The following PARD3B variants were observed in gnomAD, a reference collection of about 807,000 sequenced individuals.
PARD3B encodes par-3 family cell polarity regulator beta.
Under a neutral mutation model 130.2 loss-of-function variants are expected in PARD3B, and 103 were observed. The observed-to-expected ratio is 0.79, with a 90% CI of 0.67 to 0.93. PARD3B has a LOEUF of 0.93. Among genes scored for constraint, PARD3B ranks in the 40% least tolerant of loss-of-function variants. PARD3B has a pLI of 0.00. For missense variants in PARD3B, 1,609 were observed against 1,499.2 expected, an observed-to-expected ratio of 1.07 and a Z score of -1.21; for synonymous variants, 583 against 553.2, an observed-to-expected ratio of 1.05 and a Z score of -0.76.
chr2:205,534,953 C>G (rs1277017646), intron 21 of PARD3B, among the ~76,000 whole-genome samples: 1 of 152,154 alleles, frequency 6.6e-6, no homozygotes, highest in Non-Finnish European at 1.5e-5. Flanking sequence ...TTCCAGACTG[C>G]CAAAACCAGA....
rs2038774239 is a variant in PARD3B, at chr2:205,230,395, C to T, written c.2141-15383C>T. 6.6e-6 allele frequency among the ~76,000 whole-genome samples: 1 copy of T among 152,164 alleles called. No homozygotes were observed. The highest frequency in any genetic ancestry group is 2.1e-4 in the South Asian group (1 of 4,834). On this transcript the variant is annotated intron_variant, in intron 15 of 22. Coordinates refer to ENST00000406610, the MANE Select transcript of PARD3B (RefSeq NM_001302769.2). This position sits in a 1 kb window ranked among gnomAD's most constrained non-coding sequence, Gnocchi z 4.1. Reference sequence around the variant, plus strand: ...TTCTCCCCTTCAAAGCTGCGAGTTTCCTTCTGGCAGAGTGTGTGTCTGGAA... The same window carrying T: ...TTCTCCCCTTCAAAGCTGCGAGTTTTCTTCTGGCAGAGTGTGTGTCTGGAA...
chr2:204,997,706 A>G (rs1201622983), intron 3 of PARD3B, among the ~76,000 whole-genome samples: 2 of 151,808 alleles, frequency 1.3e-5, no homozygotes, highest in South Asian at 2.1e-4. Context: ...ACTAATTCTT[A>G]TACTTGTCCT....
At chr2:205,363,446 A>C (rs184724959) in intron 18 of PARD3B, among the ~76,000 whole-genome samples, 10 of 152,212 alleles carry the variant, frequency 6.6e-5, no homozygotes, top group African/African-American at 2.2e-4. Context: ...AAATTGACTA[A>C]GACATACGAA....
intron 18 of PARD3B, among the ~76,000 whole-genome samples, chr2:205,323,716 G>A (rs977260148): frequency 5.3e-5 from 8 of 152,286 alleles, no homozygotes; most frequent in Middle Eastern, 6.8e-3. Context: ...GTAACCCTCT[G>A]TGGAAGGAAT....
At chr2:205,523,217 G>GTATATATATATATATA (rs1559176093) in intron 21 of PARD3B, among the ~76,000 whole-genome samples, 2 of 58,542 alleles carry the variant, frequency 3.4e-5, no homozygotes, top group Admixed American at 2.4e-4. Flanking sequence ...ATATGTGTGT[G>GTATATATATATATATA]TGTGTGTGTA....
intron 6 of PARD3B, among the ~76,000 whole-genome samples, chr2:205,117,455 G>A (rs1006345630): frequency 1.3e-5 from 2 of 152,150 alleles, no homozygotes; most frequent in Non-Finnish European, 2.9e-5. Context: ...GCCTGTTGAG[G>A]TCTTGAGATG....
chr2:205,273,140 T>A (rs1921810), intron 16 of PARD3B, among the ~76,000 whole-genome samples: 12,645 of 152,252 alleles, frequency 0.083, 619 homozygotes, highest in East Asian at 0.21. Flanking sequence ...AACTAACACA[T>A]ACATTGCAGA....
chr2:205,210,384 A>G (rs11890764), intron 15 of PARD3B, among the ~76,000 whole-genome samples: 24,392 of 151,944 alleles, frequency 0.16, 2,270 homozygotes, highest in African/African-American at 0.26. Context: ...TAACCTAAAC[A>G]TTGTTCTCTG....
intron 18 of PARD3B, among the ~76,000 whole-genome samples, chr2:205,314,687 T>C (rs1361549530): frequency 1.3e-5 from 2 of 152,250 alleles, no homozygotes; most frequent in Admixed American, 1.3e-4. Context: ...ATTATCTCAA[T>C]CCTGCTAAAT....
intron 2 of PARD3B, among the ~76,000 whole-genome samples, chr2:204,697,589 A>G (rs967807057): frequency 1.3e-5 from 2 of 152,084 alleles, no homozygotes; most frequent in African/African-American, 4.8e-5. Flanking sequence ...TTGCAGTTTG[A>G]TTAGAGACTT....
chr2:204,681,730 A>G (rs2036844483), intron 1 of PARD3B, among the ~76,000 whole-genome samples: 1 of 152,164 alleles, frequency 6.6e-6, no homozygotes. Flanking sequence ...AACAGTCTGC[A>G]GACATGCTCT....
At chr2:204,685,401 C>G (rs187529819) in intron 1 of PARD3B, among the ~76,000 whole-genome samples, 1 of 152,284 alleles carries the variant, frequency 6.6e-6, no homozygotes, top group African/African-American at 2.4e-5. Flanking sequence ...TATAATGGTT[C>G]ACTTTCATAG....
At chr2:205,137,144 G>A (rs1463379910) in intron 10 of PARD3B, among the ~76,000 whole-genome samples, 2 of 152,040 alleles carry the variant, frequency 1.3e-5, no homozygotes, top group African/African-American at 4.8e-5. Flanking sequence ...AGGTTAAGGG[G>A]CTAATAAGGA....
chr2:205,618,517 T>C lies in PARD3B; in HGVS notation c.*2704T>C, dbSNP rs1274160610. The C allele has an allele frequency of 6.6e-6, 1 of 152,220 alleles. No individual in the cohort carries two copies. Among genetic ancestry groups the C allele is most frequent in the East Asian group, 1.9e-4 (1 of 5,194 alleles). The allele number at this position is 152,220 out of a possible 1,614,324, so 9.4% of individuals were successfully genotyped here. ...TGGGAAAACTCAATCCGGTGTCTCC[T>C]TGTAGCTCAGAACACTAATAGCCCC... On this transcript the variant is annotated 3_prime_UTR_variant, in exon 23 of 23. Transcript: ENST00000406610.
intron 2 of PARD3B, among the ~76,000 whole-genome samples, chr2:204,816,885 G>T (rs148999110): frequency 3.3e-5 from 5 of 151,878 alleles, no homozygotes; most frequent in Non-Finnish European, 7.4e-5. Flanking sequence ...CCTTTAAGCT[G>T]CCCCACAGCC....
At chr2:205,058,995 A>G (rs1699905751) in intron 4 of PARD3B, among the ~76,000 whole-genome samples, 1 of 151,606 alleles carries the variant, frequency 6.6e-6, no homozygotes, top group Admixed American at 6.6e-5. Context: ...CATCCAAGAA[A>G]TCATTACCAA....
At chr2:205,154,760 G>C (rs1474087612) in intron 10 of PARD3B, among the ~76,000 whole-genome samples, 1 of 152,158 alleles carries the variant, frequency 6.6e-6, no homozygotes, top group Non-Finnish European at 1.5e-5. Flanking sequence ...CATGGATGAA[G>C]CTGGAAACCA....
chr2:205,400,510 G>A (rs1321492383), intron 18 of PARD3B, among the ~76,000 whole-genome samples: 14 of 152,026 alleles, frequency 9.2e-5, no homozygotes, highest in South Asian at 2.1e-4. Flanking sequence ...GCATGGTGGT[G>A]TGAACCTGTA....
At chr2:205,600,318 C>T (rs1246268636) in intron 22 of PARD3B, among the ~76,000 whole-genome samples, 1 of 152,182 alleles carries the variant, frequency 6.6e-6, no homozygotes, top group Non-Finnish European at 1.5e-5. Context: ...GGAGGAGCAG[C>T]AGGTTTAGGG....
Sources: gnomAD v4.1 joint callset for allele counts (sites outside exome capture counted in the v4.1 genomes callset) on GRCh38, gnomAD v4.1.1 for gene constraint, Gnocchi (gnomAD v3.1) non-coding constraint, MANE v1.5 for transcripts, NCBI Gene and HGNC (gene_info 2026-07-23, HGNC 2026-07-21) for gene names.